Variants in CFAP61 observed in about 807,000 individuals in gnomAD.
CFAP61 encodes cilia- and flagella-associated protein 61.
CFAP61 carries 107 observed loss-of-function variants against 135.6 expected under a neutral mutation model. That is an observed-to-expected ratio of 0.79 (90% confidence interval 0.67 to 0.93). CFAP61 has a LOEUF of 0.93. Ranked by LOEUF, CFAP61 falls within the 40% of genes least tolerant of loss-of-function variation. The probability of loss-of-function intolerance (pLI) is 0.00; values close to 1 mark genes in which losing one functional copy is unlikely to be tolerated. For missense variants in CFAP61, 1,507 were observed against 1,556.2 expected, an observed-to-expected ratio of 0.97 and a Z score of 0.53; for synonymous variants, 575 against 578.5, an observed-to-expected ratio of 0.99 and a Z score of 0.09.
At chr20:20,355,986 C>CGTG (rs71198053) in intron 26 of CFAP61, among the ~76,000 whole-genome samples, 91,352 of 96,596 alleles carry the variant, frequency 0.95, 43,819 homozygotes, top group South Asian at 1. Flanking sequence ...TGTGAGGGGA[C>CGTG]GTCACACTGT....
At chr20:20,277,601 G>C in intron 22 of CFAP61, 143 bp downstream of exon 22, 1 of 828,860 alleles carries the variant, frequency 1.2e-6, no homozygotes. Flanking sequence ...ATTACCTCTT[G>C]CTGGGTAACA....
In CFAP61 at chr20:20,122,116, C is replaced by G. The variant is rs146329423; in HGVS notation, c.860-20741C>G. 4.6e-3 allele frequency among the ~76,000 whole-genome samples: 690 copies of G among 151,392 alleles called. 2 individuals are homozygous for G. The highest frequency in any genetic ancestry group is 7.2e-3 in the Admixed American group (110 of 15,196). ...CCTCATCCCCCTCCCAGCTTTCCCC[C>G]CAAGTCCCCAAAGTCCATTGTGTCA... On this transcript the variant is annotated intron_variant, in intron 8 of 26. Transcript: ENST00000245957.
intron 8 of CFAP61, among the ~76,000 whole-genome samples, chr20:20,121,806 C>G (rs2049658750): frequency 6.6e-6 from 1 of 152,122 alleles, no homozygotes; most frequent in Non-Finnish European, 1.5e-5. Context: ...TAAGTACAGG[C>G]TTTCAACTGC....
chr20:20,299,194 A>G (rs1328828889), intron 25 of CFAP61, among the ~76,000 whole-genome samples: 1 of 152,240 alleles, frequency 6.6e-6, no homozygotes, highest in Non-Finnish European at 1.5e-5. Context: ...ACAAAAAAGT[A>G]TGTGAAATAT....
chr20:20,075,735 C>G, intron 6 of CFAP61, 120 bp downstream of exon 6: 1 of 1,007,048 alleles, frequency 9.9e-7, no homozygotes. Flanking sequence ...TTACAATACT[C>G]ATAAGCATTA....
intron 25 of CFAP61, among the ~76,000 whole-genome samples, chr20:20,303,633 C>T (rs1207345561): frequency 6.6e-6 from 1 of 152,098 alleles, no homozygotes; most frequent in African/African-American, 2.4e-5. Context: ...GCTGGCGAGG[C>T]TCTTTCCAAG....
intron 8 of CFAP61, among the ~76,000 whole-genome samples, chr20:20,121,611 C>T (rs1308326141): frequency 6.6e-6 from 1 of 152,142 alleles, no homozygotes; most frequent in Admixed American, 6.5e-5. Context: ...TCTCGTGCCT[C>T]GGCCTCCCGA....
intron 21 of CFAP61, 66 bp downstream of exon 21, chr20:20,263,196 T>C (rs1391380954): frequency 4.1e-5 from 49 of 1,181,178 alleles, no homozygotes; most frequent in Non-Finnish European, 5.6e-5. Context: ...AGTCTCATTC[T>C]TCATCTAGTT....
chr20:20,335,553 CT>C (rs1251740883), intron 25 of CFAP61, among the ~76,000 whole-genome samples: 2 of 152,184 alleles, frequency 1.3e-5, no homozygotes, highest in African/African-American at 4.8e-5. Flanking sequence ...GATGAGTCCT[CT>C]TTTTCCCATA....
chr20:20,212,174 A>G (rs968331941), intron 17 of CFAP61, among the ~76,000 whole-genome samples: 3 of 152,158 alleles, frequency 2.0e-5, no homozygotes, highest in Non-Finnish European at 4.4e-5. Context: ...CTAACAGCTC[A>G]GTACTTCCAC....
At chr20:20,239,531 G>C (rs2146965101) in intron 18 of CFAP61, among the ~76,000 whole-genome samples, 1 of 152,320 alleles carries the variant, frequency 6.6e-6, no homozygotes, top group Non-Finnish European at 1.5e-5. Context: ...TATTGAAAAT[G>C]TACTATGCAG....
At position 20,118,311 on chromosome 20, in the gene CFAP61, T is replaced by A. The variant is rs1287439281; in HGVS notation, c.859+19497T>A. Among the ~76,000 whole-genome samples the A allele has an allele frequency of 2.0e-5, 3 of 149,422 alleles. No individual in the cohort carries two copies. The East Asian group carries it at 5.9e-4, about 29-fold the overall frequency. ...TTTCTTTCTTTCTTTCTTTCTTTTC[T>A]TTCTTTCTGTCTCTCTCTCTGTCTT... On this transcript the variant is annotated intron_variant, in intron 8 of 26. Coordinates refer to ENST00000245957, the MANE Select transcript of CFAP61 (RefSeq NM_015585.4).
At chr20:20,193,201 T>C (rs2056045140) in intron 15 of CFAP61, among the ~76,000 whole-genome samples, 1 of 152,192 alleles carries the variant, frequency 6.6e-6, no homozygotes, top group Non-Finnish European at 1.5e-5. Flanking sequence ...GTGTTAATAA[T>C]AGCTGGCTTT....
chr20:20,323,964 A>C (rs1030347213), intron 25 of CFAP61, among the ~76,000 whole-genome samples: 1 of 152,186 alleles, frequency 6.6e-6, no homozygotes, highest in African/African-American at 2.4e-5. Context: ...GACTGGATAG[A>C]GTTCTACCAT....
chr20:20,326,161 A>G (rs930559829), intron 25 of CFAP61, among the ~76,000 whole-genome samples: 1 of 151,852 alleles, frequency 6.6e-6, no homozygotes, highest in Non-Finnish European at 1.5e-5. Context: ...CCCATTTTTA[A>G]ATTTGGATGT....
intron 25 of CFAP61, among the ~76,000 whole-genome samples, chr20:20,317,569 C>G (rs193129052): frequency 6.7e-4 from 101 of 151,806 alleles, no homozygotes; most frequent in African/African-American, 2.1e-3. Context: ...ATTGTTCACT[C>G]TATCTAGTAA....
In CFAP61 at chr20:20,052,725, G is replaced by A. The variant is rs1230523680; in HGVS notation, c.-37+134G>A. 2.5e-6 allele frequency: 4 copies of A among 1,601,486 alleles called. No individual in the cohort carries two copies. The South Asian group carries it at 3.3e-5, about 13-fold the overall frequency. On this transcript the variant is annotated intron_variant, in intron 1 of 26. Coordinates refer to ENST00000245957, the MANE Select transcript of CFAP61 (RefSeq NM_015585.4). ...TGGCTCTGTCGAGCCGTGGCGCCCT[G>A]CAAGGGAGTAAGAACGGAGCTCCAA...
chr20:20,127,989 G>A (rs1243871669), intron 8 of CFAP61, among the ~76,000 whole-genome samples: 1 of 151,562 alleles, frequency 6.6e-6, no homozygotes, highest in Non-Finnish European at 1.5e-5. Flanking sequence ...GGCAGTCACA[G>A]GCCTCACCCA....
At chr20:20,224,121 A>G (rs1601491153) in intron 17 of CFAP61, among the ~76,000 whole-genome samples, 1 of 152,160 alleles carries the variant, frequency 6.6e-6, no homozygotes, top group East Asian at 1.9e-4. Context: ...GACCTCTAGG[A>G]GTTAATAGTC....
Sources: gnomAD v4.1 joint callset for allele counts (sites outside exome capture counted in the v4.1 genomes callset) on GRCh38, gnomAD v4.1.1 for gene constraint, MANE v1.5 for transcripts, NCBI Gene and HGNC (gene_info 2026-07-23, HGNC 2026-07-21) for gene names.